The following GSTCD variants were observed in gnomAD, a reference collection of about 807,000 sequenced individuals.
GSTCD encodes glutathione S-transferase C-terminal domain-containing protein.
GSTCD carries 44 observed loss-of-function variants against 68.3 expected under a neutral mutation model. That is an observed-to-expected ratio of 0.64 (90% CI 0.51 to 0.83). GSTCD has a LOEUF of 0.83. Ranked by LOEUF, GSTCD falls within the 40% of genes least tolerant of loss-of-function variation. GSTCD has a pLI of 0.00. For missense variants in GSTCD, 739 were observed against 735.9 expected (o/e 1.00, Z -0.05); for synonymous variants, 273 against 255.2 (o/e 1.07, Z -0.67).
Position 105,780,261 on chromosome 4 carries a change from A to G in GSTCD, c.1241-42693A>G, listed in dbSNP as rs146800693. Among the ~76,000 whole-genome samples, 70 of 152,312 alleles carry G rather than the reference A, an allele frequency of 4.6e-4. No homozygotes were observed. In the East Asian group the frequency reaches 0.014, roughly 29 times the overall value. On this transcript the variant is annotated intron_variant, in intron 5 of 11. Transcript: ENST00000515279. ...ATGAAGTGTGAAATTGATGGGCACT[A>G]TAGGGAATTTGAACTGAGATTTCAG...
intron 10 of GSTCD, among the ~76,000 whole-genome samples, chr4:105,841,793 G>A (rs1048539347): frequency 1.3e-5 from 2 of 152,174 alleles, no homozygotes; most frequent in Admixed American, 6.5e-5. Context: ...GAAGGTTGCA[G>A]TGAGCCAAGA....
intron 5 of GSTCD, among the ~76,000 whole-genome samples, chr4:105,782,608 CAG>C (rs772118600): frequency 5.3e-5 from 8 of 151,072 alleles, no homozygotes; most frequent in Non-Finnish European, 1.0e-4. Flanking sequence ...TTTTTTGAGA[CAG>C]AGTCTTGCTC....
chr4:105,842,202 G>A (rs1019698908), intron 11 of GSTCD, 68 bp downstream of exon 11: 4 of 1,239,232 alleles, frequency 3.2e-6, no homozygotes, highest in South Asian at 1.3e-5. Context: ...ATTGGACCAA[G>A]TCTATATGGG....
intron 1 of GSTCD, chr4:105,710,773 A>G (rs1021112046): frequency 6.6e-6 from 1 of 152,162 alleles, no homozygotes; most frequent in African/African-American, 2.4e-5. Flanking sequence ...GTTAATTATG[A>G]GGTCGGGTTT....
intron 5 of GSTCD, among the ~76,000 whole-genome samples, chr4:105,796,127 G>A (rs993379067): frequency 3.9e-5 from 6 of 152,198 alleles, no homozygotes; most frequent in Admixed American, 3.3e-4. Context: ...AGTTCCACAT[G>A]GCTGGGGAGG....
chr4:105,735,630 G>A (rs1733435824), intron 5 of GSTCD, among the ~76,000 whole-genome samples: 1 of 152,088 alleles, frequency 6.6e-6, no homozygotes, highest in South Asian at 2.1e-4. Flanking sequence ...TCCTGGGTGA[G>A]GCGATGCCTC....
chr4:105,721,121 G>A (rs564484309), intron 3 of GSTCD, among the ~76,000 whole-genome samples: 3 of 152,060 alleles, frequency 2.0e-5, no homozygotes, highest in Non-Finnish European at 2.9e-5. Context: ...ATAGGTGCAC[G>A]CCACCATGCC....
chr4:105,765,109 C>T (rs1203744213), intron 5 of GSTCD, among the ~76,000 whole-genome samples: 1 of 152,034 alleles, frequency 6.6e-6, no homozygotes, highest in Non-Finnish European at 1.5e-5. Flanking sequence ...ATGAATCTTA[C>T]CCTCTTAAAA....
Position 105,717,796 on chromosome 4 carries a change from A to G in GSTCD, c.183A>G (p.Ser61=), listed in dbSNP as rs1489780951. The G allele has an allele frequency of 1.9e-6, 3 of 1,612,660 alleles. No homozygotes were observed. Among genetic ancestry groups the G allele is most frequent in the Non-Finnish European group, 2.5e-6 (3 of 1,178,760 alleles). The change falls in exon 2 of 12, where the codon TCA becomes TCG. Residue 61 remains serine (S), a synonymous_variant. Transcript: ENST00000515279. ...CCAAAGAGGTGAGTAGAGATAGTTCACTACTAAGAGATGACCTGATCCAGG... is the reference window on the plus strand; with the variant it reads ...CCAAAGAGGTGAGTAGAGATAGTTCGCTACTAAGAGATGACCTGATCCAGG... ...VVTKEVSRDS[S]LLRDDLIQDV... is the part of the protein sequence containing the mutation.
intron 5 of GSTCD, among the ~76,000 whole-genome samples, chr4:105,812,120 A>T (rs1026435270): frequency 1.3e-5 from 2 of 152,164 alleles, no homozygotes; most frequent in East Asian, 3.8e-4. Context: ...CAAGAGAGAG[A>T]TAATAGACAT....
intron 5 of GSTCD, among the ~76,000 whole-genome samples, chr4:105,803,126 C>T (rs1736171161): frequency 6.6e-6 from 1 of 152,024 alleles, no homozygotes; most frequent in Non-Finnish European, 1.5e-5. Context: ...AATGAATGGG[C>T]CAAATATGAA....
rs760772949 is a variant in GSTCD at position 105,825,818 on chromosome 4, T to C, written c.1530+18T>C. On this transcript the variant is annotated intron_variant, in intron 8 of 11. Transcript: ENST00000515279. Reference sequence around the variant, plus strand: ...ATATTGGAGTAAGTAATCAAGTAATTTCAATTTCTTTAATTAGCTAAATAA... The same window carrying C: ...ATATTGGAGTAAGTAATCAAGTAATCTCAATTTCTTTAATTAGCTAAATAA... 2 of 1,416,308 alleles carry C rather than the reference T, an allele frequency of 1.4e-6. No homozygotes were observed. The highest frequency in any genetic ancestry group is 2.4e-5 in the South Asian group (2 of 81,634). 87.7% of individuals were successfully genotyped at this position (1,416,308 alleles called of 1,614,324 possible). A position where few individuals can be genotyped will look rare whatever the true frequency, so the allele number is the denominator to read the frequency against.
chr4:105,792,592 A>G (rs1735720795), intron 5 of GSTCD, among the ~76,000 whole-genome samples: 1 of 152,092 alleles, frequency 6.6e-6, no homozygotes, highest in South Asian at 2.1e-4. Flanking sequence ...AAACAAATCA[A>G]GAACCTTTAA....
intron 5 of GSTCD, among the ~76,000 whole-genome samples, chr4:105,745,825 A>G (rs542000866): frequency 5.1e-4 from 77 of 152,348 alleles, no homozygotes; most frequent in Non-Finnish European, 7.6e-4. Context: ...ACAAAAAGAT[A>G]GGTGCTTAGG....
At chr4:105,729,894 T>G (rs1733171298) in intron 5 of GSTCD, among the ~76,000 whole-genome samples, 1 of 151,760 alleles carries the variant, frequency 6.6e-6, no homozygotes, top group Non-Finnish European at 1.5e-5. Context: ...CCCTCCCCAC[T>G]CCCCCTACCC....
Position 105,825,756 on chromosome 4 carries a change from A to G in GSTCD, c.1486A>G (p.Ile496Val). 1.9e-6 allele frequency: 3 copies of G among 1,547,828 alleles called. No individual in the cohort carries two copies. The highest frequency in any genetic ancestry group is 2.7e-6 in the Non-Finnish European group (3 of 1,121,336). The change falls in exon 8 of 12, where the codon ATT (isoleucine) becomes GTT (valine). Residue 496 changes from isoleucine (I) to valine (V), a missense_variant. By Grantham distance (29) the Ile-to-Val change is conservative. Coordinates refer to ENST00000515279, the MANE Select transcript of GSTCD (RefSeq NM_001370181.1). ...ACTGGGTTTAAGCAACATTTGGTTC[A>G]TTCAAGCAAATATGGAATATTTTAC... ...DELGLSNIWF[I>V]QANMEYFTGM...
At chr4:105,757,115 C>T (rs1007216422) in intron 5 of GSTCD, among the ~76,000 whole-genome samples, 4 of 152,162 alleles carry the variant, frequency 2.6e-5, no homozygotes, top group South Asian at 4.1e-4. Flanking sequence ...TATTTCAGTT[C>T]GTACTATAAT....
chr4:105,765,457 T>C (rs1425050342), intron 5 of GSTCD, among the ~76,000 whole-genome samples: 2 of 152,252 alleles, frequency 1.3e-5, no homozygotes, highest in Admixed American at 1.3e-4. Context: ...CATTTAGAGG[T>C]GCACCAGTTT....
chr4:105,771,952 T>C lies in GSTCD; in HGVS notation c.1240+42453T>C, dbSNP rs568631588. Among the ~76,000 whole-genome samples, 9 of 152,328 alleles carry C rather than the reference T, an allele frequency of 5.9e-5. No homozygotes were observed. The East Asian group carries it at 1.7e-3, about 29-fold the overall frequency. On this transcript the variant is annotated intron_variant, in intron 5 of 11. Coordinates refer to ENST00000515279, the MANE Select transcript of GSTCD (RefSeq NM_001370181.1). Reference sequence around the variant, plus strand: ...TGTTGATAGCACTGAATCTATAAATTACTTTGGGCAGTATGGCCATTTTCA... The same window carrying C: ...TGTTGATAGCACTGAATCTATAAATCACTTTGGGCAGTATGGCCATTTTCA...
Sources: allele counts gnomAD v4.1 joint callset (sites outside exome capture counted in the v4.1 genomes callset), GRCh38; gene constraint gnomAD v4.1.1; transcripts MANE v1.5; gene names NCBI Gene and HGNC (gene_info 2026-07-23, HGNC 2026-07-21).